CSNK2A1: variants seen among roughly 807,000 people sequenced by gnomAD.
The protein encoded by CSNK2A1 is casein kinase II subunit alpha.
CSNK2A1 carries 10 observed loss-of-function variants against 62.9 expected under a neutral mutation model. The observed-to-expected ratio is 0.16, with a 90% CI of 0.10 to 0.27. The LOEUF (loss-of-function observed/expected upper bound fraction) is 0.27. CSNK2A1 is among the 10% of genes least tolerant of loss of function. The pLI, the probability that CSNK2A1 is intolerant of heterozygous loss-of-function variation, is 1.00. For missense variants in CSNK2A1, 160 were observed against 492.0 expected (o/e 0.33, Z 6.38); for synonymous variants, 124 against 167.8 (o/e 0.74, Z 2.02).
At chr20:486,834 A>C (rs2018110728) in intron 12 of CSNK2A1, 1 of 209,326 alleles carries the variant, frequency 4.8e-6, no homozygotes, top group Non-Finnish European at 9.8e-6. Flanking sequence ...CAAGTAGGCC[A>C]AAGCTATAGG....
Position 499,590 on chromosome 20 carries a change from G to A in CSNK2A1, c.315+243C>T. On this transcript the variant is annotated intron_variant, in intron 5 of 13. Coordinates refer to ENST00000217244, the MANE Select transcript of CSNK2A1 (RefSeq NM_177559.3). This position sits in a 1 kb window ranked among gnomAD's most constrained non-coding sequence, Gnocchi z 4.2. Reference sequence around the variant, plus strand: ...GCATCGGACCTGAGTTTGCAAAATGGATTAACACATTTCAGTTTCCAGTGC... The same window carrying A: ...GCATCGGACCTGAGTTTGCAAAATGAATTAACACATTTCAGTTTCCAGTGC... 1 of 564,472 alleles carries A rather than the reference G, an allele frequency of 1.8e-6. No homozygotes were observed. The highest frequency in any genetic ancestry group is 3.1e-6 in the Non-Finnish European group (1 of 323,300). The allele number at this position is 564,472 out of a possible 1,614,324, so 35.0% of individuals were successfully genotyped here. A position where few individuals can be genotyped will look rare whatever the true frequency, so the allele number is the denominator to read the frequency against.
Position 499,422 on chromosome 20 carries a change from A to ATAGAGGGTTTCTTACTACT in CSNK2A1, c.316-118_316-117insAGTAGTAAGAAACCCTCTA. ...TTTGGCAGTCCTCGCCTCAGTAGTA[A>ATAGAGGGTTTCTTACTACT]GAAACCCTCTATTGCTACAAGCCCT... is the stretch of plus-strand genomic sequence containing the variant. On this transcript the variant is annotated intron_variant, in intron 5 of 13. Transcript: ENST00000217244. The surrounding 1 kb of genome is among the most constrained non-coding windows in gnomAD (Gnocchi z 4.2). 1 of 848,200 alleles carries ATAGAGGGTTTCTTACTACT rather than the reference A, an allele frequency of 1.2e-6. No individual in the cohort carries two copies. Among genetic ancestry groups the ATAGAGGGTTTCTTACTACT allele is most frequent in the Non-Finnish European group, 1.8e-6 (1 of 553,626 alleles). The allele number at this position is 848,200 out of a possible 1,614,324, so 52.5% of individuals were successfully genotyped here.
chr20:523,893 C>A (rs992187295), intron 2 of CSNK2A1, among the ~76,000 whole-genome samples: 1 of 142,328 alleles, frequency 7.0e-6, no homozygotes, highest in African/African-American at 2.7e-5. Context: ...TGTAGTAACT[C>A]AGAACAGAAC....
intron 3 of CSNK2A1, chr20:506,426 G>T (rs147717310): frequency 6.6e-6 from 1 of 152,160 alleles, no homozygotes; most frequent in Non-Finnish European, 1.5e-5. Flanking sequence ...TATAATCAGC[G>T]ATCCCCTCCT....
At chr20:524,352 G>A (rs145813503) in intron 2 of CSNK2A1, among the ~76,000 whole-genome samples, 96 of 148,984 alleles carry the variant, frequency 6.4e-4, no homozygotes, top group African/African-American at 2.3e-3. Flanking sequence ...TGAAACTCTC[G>A]AGAGGCGAAG....
At chr20:508,328 T>C (rs2018647808) in intron 3 of CSNK2A1, 123 bp downstream of exon 3, 1 of 1,058,252 alleles carries the variant, frequency 9.4e-7, no homozygotes, top group Non-Finnish European at 1.3e-6. Flanking sequence ...AAAACACAAA[T>C]TGGGCTTTGA....
At chr20:523,858 C>CAAAAAAAAAAAAAAA (rs11401840) in intron 2 of CSNK2A1, among the ~76,000 whole-genome samples, 7 of 45,538 alleles carry the variant, frequency 1.5e-4, no homozygotes, top group African/African-American at 2.8e-4. Context: ...GACTCCATCT[C>CAAAAAAAAAAAAAAA]AAAAAAAAAA....
chr20:498,013 T>C, intron 6 of CSNK2A1: 1 of 446,642 alleles, frequency 2.2e-6, no homozygotes, highest in East Asian at 4.3e-5. Flanking sequence ...TATAATCCAC[T>C]GTCAGAAACA....
chr20:505,326 A>C (rs1265289597), intron 3 of CSNK2A1, 97 bp from the exon 4 acceptor site: 4 of 760,544 alleles, frequency 5.3e-6, no homozygotes, highest in African/African-American at 1.9e-5. Flanking sequence ...AGAAATAAGA[A>C]GTATTTCAAA....
chr20:523,247 TATAA>T (rs1006277327), intron 2 of CSNK2A1, among the ~76,000 whole-genome samples: 1 of 152,190 alleles, frequency 6.6e-6, no homozygotes, highest in Non-Finnish European at 1.5e-5. Flanking sequence ...GCAACTTCTT[TATAA>T]ATAAGTTAAA....
rs982977815 is a variant in CSNK2A1, at chr20:488,674, T to G, written c.824+4A>C. The G allele has an allele frequency of 6.2e-7, 1 of 1,613,154 alleles. No homozygotes were observed. The highest frequency in any genetic ancestry group is 1.3e-5 in the African/African-American group (1 of 74,900). ...AGATGCACATATTTTGTTTCATGACTTACCTGCCCAAGATATCATTGAAAC... is the reference window on the plus strand; with the variant it reads ...AGATGCACATATTTTGTTTCATGACGTACCTGCCCAAGATATCATTGAAAC... On this transcript the variant is annotated splice_donor_region_variant and intron_variant, in intron 11 of 13. Transcript: ENST00000217244.
chr20:521,934 C>T (rs773857049), intron 2 of CSNK2A1, among the ~76,000 whole-genome samples: 5 of 152,206 alleles, frequency 3.3e-5, no homozygotes, highest in Non-Finnish European at 5.9e-5. Flanking sequence ...CAAAAGCCTA[C>T]ATATTGTATA....
chr20:506,219 A>G (rs529004589), intron 3 of CSNK2A1: 6 of 152,338 alleles, frequency 3.9e-5, no homozygotes, highest in Admixed American at 1.3e-4. Flanking sequence ...TGCTTGGTCC[A>G]GTGTTGGCAC....
At chr20:541,774 C>G (rs1277352953) in intron 1 of CSNK2A1, among the ~76,000 whole-genome samples, 1 of 152,166 alleles carries the variant, frequency 6.6e-6, no homozygotes, top group Non-Finnish European at 1.5e-5. Context: ...AAAGTCACCT[C>G]ACGGGGACCT....
chr20:490,034 C>CA (rs1184372680), intron 9 of CSNK2A1, among the ~76,000 whole-genome samples, 153 bp from the exon 10 acceptor site: 1 of 142,566 alleles, frequency 7.0e-6, no homozygotes, highest in Admixed American at 7.0e-5. Flanking sequence ...TTTAGTCTTT[C>CA]TTTTTTTTTT....
In CSNK2A1 at chr20:499,258, G is replaced by A. The variant is rs1190662301; in HGVS notation, c.363C>T (p.Phe121=). 1.9e-6 allele frequency: 3 copies of A among 1,605,570 alleles called. No individual in the cohort carries two copies. The highest frequency in any genetic ancestry group is 1.3e-5 in the African/African-American group (1 of 74,680). The change falls in exon 6 of 14, where the codon TTC becomes TTT. Residue 121 remains phenylalanine, a synonymous_variant. Transcript: ENST00000217244. The surrounding 1 kb of genome is among the most constrained non-coding windows in gnomAD (Gnocchi z 4.2). Reference sequence around the variant, plus strand: ...AACAGTTGGTTATATATTATACCTTGAAGTCTGTGTTGTTTACGTGTTCAA... The same window carrying A: ...AACAGTTGGTTATATATTATACCTTAAAGTCTGTGTTGTTTACGTGTTCAA... ...LVFEHVNNTD[F]KQLYQTLTDY... is the part of the protein sequence containing the mutation.
At chr20:540,148 C>T (rs879627146) in intron 1 of CSNK2A1, 1 of 152,214 alleles carries the variant, frequency 6.6e-6, no homozygotes, top group Non-Finnish European at 1.5e-5. Context: ...CAGCCTGCTT[C>T]CTATCAGTAG....
At chr20:506,835 G>A (rs185293163) in intron 3 of CSNK2A1, 21 of 152,276 alleles carry the variant, frequency 1.4e-4, no homozygotes, top group Admixed American at 9.8e-4. Context: ...CAAGCAAACA[G>A]AACCATGCCA....
chr20:530,685 G>T (rs1291455919), intron 1 of CSNK2A1, among the ~76,000 whole-genome samples: 1 of 152,032 alleles, frequency 6.6e-6, no homozygotes, highest in African/African-American at 2.4e-5. Context: ...ATGTTGCCCA[G>T]GCTGGTCTCG....
Sources: gnomAD v4.1 joint callset for allele counts (sites outside exome capture counted in the v4.1 genomes callset) on GRCh38, gnomAD v4.1.1 for gene constraint, Gnocchi (gnomAD v3.1) non-coding constraint, MANE v1.5 for transcripts, NCBI Gene and HGNC (gene_info 2026-07-23, HGNC 2026-07-21) for gene names.